The following SRGAP3 variants were observed in gnomAD, a reference collection of about 807,000 sequenced individuals.
SRGAP3 encodes SLIT-ROBO Rho GTPase activating protein 3.
In SRGAP3, 39 loss-of-function variants were observed where a neutral mutation model predicts 121.1. The ratio of observed to expected loss-of-function variants is 0.32; its 90% CI spans 0.25 to 0.42. SRGAP3 has a LOEUF of 0.42. SRGAP3 is among the 10% of genes least tolerant of loss of function. The pLI, the probability that SRGAP3 is intolerant of heterozygous loss-of-function variation, is 1.00. For missense variants in SRGAP3, 1,213 were observed against 1,470.6 expected (o/e 0.82, Z 2.86); for synonymous variants, 601 against 570.0 (o/e 1.05, Z -0.77).
intron 1 of SRGAP3, among the ~76,000 whole-genome samples, chr3:9,200,279 TAGAA>T (rs2125155549): frequency 6.6e-6 from 1 of 152,380 alleles, no homozygotes; most frequent in African/African-American, 2.4e-5. Flanking sequence ...GTATAAACTT[TAGAA>T]AGAACCTATA....
At chr3:9,347,874 G>A (rs111304979) in intron 1 of SRGAP3, among the ~76,000 whole-genome samples, 86 of 152,316 alleles carry the variant, frequency 5.6e-4, no homozygotes, top group African/African-American at 2.0e-3. Context: ...GATCTACTGA[G>A]TAATACATTT....
intron 12 of SRGAP3, chr3:9,028,227 T>C (rs1944308714): frequency 6.5e-7 from 1 of 1,539,568 alleles, no homozygotes; most frequent in African/African-American, 1.4e-5. Flanking sequence ...TCAGAGTCCG[T>C]GAACGCCGAA....
intron 1 of SRGAP3, among the ~76,000 whole-genome samples, chr3:9,245,166 A>T (rs1294816627): frequency 6.6e-6 from 1 of 150,936 alleles, no homozygotes; most frequent in Non-Finnish European, 1.5e-5. Context: ...GATTTCTGGC[A>T]TCTGTTGAAA....
chr3:8,997,439 A>G (rs932366855), intron 18 of SRGAP3, among the ~76,000 whole-genome samples: 1 of 152,120 alleles, frequency 6.6e-6, no homozygotes, highest in Non-Finnish European at 1.5e-5. Flanking sequence ...GGTCCTTTAC[A>G]ATCATACAAT....
At chr3:9,138,287 C>A (rs2675187) in intron 1 of SRGAP3, among the ~76,000 whole-genome samples, 121,503 of 152,092 alleles carry the variant, frequency 0.8, 49,260 homozygotes, top group African/African-American at 0.94. Flanking sequence ...GGAACCCCCC[C>A]CACACAAAAA....
intron 3 of SRGAP3, among the ~76,000 whole-genome samples, chr3:9,263,085 A>G (rs1046202579): frequency 7.9e-5 from 12 of 152,340 alleles, no homozygotes; most frequent in South Asian, 4.1e-4. Context: ...ACACAACTAC[A>G]TGGAAACTGA....
At chr3:9,047,056 T>C (rs1945323025) in intron 10 of SRGAP3, among the ~76,000 whole-genome samples, 1 of 152,120 alleles carries the variant, frequency 6.6e-6, no homozygotes, top group Non-Finnish European at 1.5e-5. Context: ...ATGGTCTCGA[T>C]CTCCTGACCT....
In SRGAP3 at chr3:9,204,989, T is replaced by C. The variant is rs186433371; in HGVS notation, c.67+43896A>G. Among the ~76,000 whole-genome samples the C allele has an allele frequency of 3.3e-5, 5 of 152,326 alleles. No homozygotes were observed. In the East Asian group the frequency reaches 9.6e-4, roughly 29 times the overall value. ...AGCTTCCATGGGCCATAAACATTGATCACCATTTAGACTACAGCACCTTGG... is the reference window on the plus strand; with the variant it reads ...AGCTTCCATGGGCCATAAACATTGACCACCATTTAGACTACAGCACCTTGG... On this transcript the variant is annotated intron_variant, in intron 1 of 21. Coordinates refer to ENST00000383836, the MANE Select transcript of SRGAP3 (RefSeq NM_014850.4).
intron 1 of SRGAP3, among the ~76,000 whole-genome samples, chr3:9,206,355 A>T (rs753199712): frequency 4.6e-5 from 7 of 152,194 alleles, no homozygotes; most frequent in Non-Finnish European, 8.8e-5. Context: ...TCCACAGCTG[A>T]CTGGTGCGGA....
intron 3 of SRGAP3, among the ~76,000 whole-genome samples, chr3:9,092,861 T>G (rs1363731985): frequency 6.6e-6 from 1 of 152,150 alleles, no homozygotes; most frequent in Non-Finnish European, 1.5e-5. Context: ...GGGGATGGTG[T>G]GGAAAGTTGG....
chr3:9,183,569 T>A (rs550090288), intron 1 of SRGAP3, among the ~76,000 whole-genome samples: 1 of 152,210 alleles, frequency 6.6e-6, no homozygotes, highest in East Asian at 1.9e-4. Flanking sequence ...ATGTTAACAG[T>A]GCTTACTTGG....
chr3:9,332,045 G>A (rs1200551704), intron 1 of SRGAP3, among the ~76,000 whole-genome samples: 2 of 152,170 alleles, frequency 1.3e-5, no homozygotes, highest in Non-Finnish European at 2.9e-5. Context: ...AGTCATTGAG[G>A]TGCCTATGCT....
intron 1 of SRGAP3, among the ~76,000 whole-genome samples, chr3:9,350,427 G>A (rs1213615736): frequency 6.6e-6 from 1 of 152,204 alleles, no homozygotes; most frequent in Non-Finnish European, 1.5e-5. Context: ...GAATGCAAAG[G>A]AGAAGAAGGT....
intron 6 of SRGAP3, chr3:9,058,798 C>T (rs536776178): frequency 5.3e-5 from 16 of 303,592 alleles, no homozygotes; most frequent in Admixed American, 2.0e-4. Context: ...CGGCTCACTG[C>T]TACCTCCGCC....
chr3:9,025,159 C>T (rs1161387583), intron 14 of SRGAP3, 102 bp downstream of exon 14: 2 of 1,212,764 alleles, frequency 1.6e-6, no homozygotes, highest in Non-Finnish European at 2.4e-6. Flanking sequence ...TCCTGCAAAC[C>T]ACTGCAGGCT....
At chr3:9,012,101 C>T (rs1417376417) in intron 17 of SRGAP3, among the ~76,000 whole-genome samples, 2 of 152,150 alleles carry the variant, frequency 1.3e-5, no homozygotes, top group Admixed American at 6.5e-5. Flanking sequence ...GTGCCTCAAA[C>T]GAGATTAGAG....
chr3:9,061,147 A>G (rs1946151889), intron 5 of SRGAP3, among the ~76,000 whole-genome samples: 1 of 152,168 alleles, frequency 6.6e-6, no homozygotes, highest in African/African-American at 2.4e-5. Context: ...TGGGAGAATC[A>G]TTTGAACCCA....
chr3:8,994,979 C>T (rs573662691), intron 18 of SRGAP3, among the ~76,000 whole-genome samples: 21 of 152,172 alleles, frequency 1.4e-4, no homozygotes, highest in Non-Finnish European at 2.5e-4. Flanking sequence ...CTGCAAAATC[C>T]GATACAGGAT....
intron 3 of SRGAP3, among the ~76,000 whole-genome samples, chr3:9,258,375 G>C (rs1036365086): frequency 6.6e-6 from 1 of 152,192 alleles, no homozygotes; most frequent in Non-Finnish European, 1.5e-5. Flanking sequence ...CAGAGAGTGG[G>C]AGAGGTGATG....
Sources: allele counts gnomAD v4.1 joint callset (sites outside exome capture counted in the v4.1 genomes callset), GRCh38; gene constraint gnomAD v4.1.1; transcripts MANE v1.5; gene names NCBI Gene and HGNC (gene_info 2026-07-23, HGNC 2026-07-21).